Variants in MKKS observed in about 807,000 individuals in gnomAD.
The protein encoded by MKKS is molecular chaperone MKKS.
In MKKS, 29 loss-of-function variants were observed where a neutral mutation model predicts 33.2. The ratio of observed to expected loss-of-function variants is 0.87; its 90% CI spans 0.65 to 1.19. MKKS has a LOEUF of 1.19. MKKS is among the 50% of genes most tolerant of loss of function. The pLI, the probability that MKKS is intolerant of heterozygous loss-of-function variation, is 0.00. For missense variants in MKKS, 661 were observed against 662.3 expected, an observed-to-expected ratio of 1.00 and a Z score of 0.02; for synonymous variants, 260 against 244.0, an observed-to-expected ratio of 1.07 and a Z score of -0.61.
intron 5 of MKKS, 137 bp from the exon 6 acceptor site, chr20:10,405,824 G>T: frequency 1.1e-6 from 1 of 910,370 alleles, no homozygotes; most frequent in Non-Finnish European, 1.7e-6. Context: ...CTGGCACAAT[G>T]CTAACGGGCT....
chr20:10,430,331 T>C (rs183183601), intron 1 of MKKS, among the ~76,000 whole-genome samples: 1 of 152,344 alleles, frequency 6.6e-6, no homozygotes, highest in Admixed American at 6.5e-5. Context: ...AGTCACTTAA[T>C]CTCATTGTGC....
chr20:10,419,959 T>A (rs1249977289), intron 2 of MKKS, among the ~76,000 whole-genome samples: 1 of 152,230 alleles, frequency 6.6e-6, no homozygotes, highest in Non-Finnish European at 1.5e-5. Flanking sequence ...GCAAATTGCC[T>A]CATGTCAGTT....
Position 10,408,651 on chromosome 20 carries a change from C to A in MKKS, c.1138G>T (p.Asp380Tyr). 6.2e-7 allele frequency: 1 copy of A among 1,614,080 alleles called. No individual in the cohort carries two copies. The highest frequency in any genetic ancestry group is 8.5e-7 in the Non-Finnish European group (1 of 1,180,010). The change falls in exon 4 of 6, where the codon GAC becomes TAC. Residue 380 changes from aspartate to tyrosine, a missense_variant. Asp to Tyr is a radical substitution (Grantham distance 160). Transcript: ENST00000347364. ...ICSLLLCNRN[D>Y]TAWDELKLTC... is the part of the protein sequence containing the mutation. ...ACCTTCAGCTCATCCCAGGCAGTGT[C>A]ATTTCTGTTGCAGAGAAGCAAGCTG...
Position 10,413,306 on chromosome 20 carries a change from G to A in MKKS, c.209C>T (p.Thr70Ile), listed in dbSNP as rs1335381619. 1 of 1,614,238 alleles carries A rather than the reference G, an allele frequency of 6.2e-7. No individual in the cohort carries two copies. The highest frequency in any genetic ancestry group is 8.5e-7 in the Non-Finnish European group (1 of 1,180,044). Reference sequence around the variant, plus strand: ...TGTCAGGATCTTTAAAATGGGATGTGTGACCAAAAGGTGACTGAGCAGAGC... The same window carrying A: ...TGTCAGGATCTTTAAAATGGGATGTATGACCAAAAGGTGACTGAGCAGAGC... ...SSALLSHLLV[T>I]HPILKILTAS... Residue 70 changes from threonine (T) to isoleucine (I), a missense_variant, in exon 3 of 6, where the codon ACA becomes ATA. Transcript: ENST00000347364.
chr20:10,422,864 A>G (rs755080810), intron 1 of MKKS, among the ~76,000 whole-genome samples: 61 of 151,718 alleles, frequency 4.0e-4, no homozygotes, highest in Non-Finnish European at 4.3e-4. Context: ...GGTGCCCGCC[A>G]CCACACCTGG....
rs138562469 is a variant in MKKS, at chr20:10,430,262, T to C, written c.-649+3846A>G. 5.6e-3 allele frequency among the ~76,000 whole-genome samples: 859 copies of C among 152,300 alleles called. 27 individuals are homozygous for C. Among genetic ancestry groups the C allele is most frequent in the Non-Finnish European group, 2.2e-3 (148 of 68,026 alleles). On this transcript the variant is annotated intron_variant, in intron 1 of 5. Coordinates refer to ENST00000347364, the MANE Select transcript of MKKS (RefSeq NM_170784.3). ...GATTAAGGGATGAGCTGTGGACTCA[T>C]ACCACCTGGCTTTGAATCTTCACTT... is the stretch of plus-strand genomic sequence containing the variant.
Position 10,413,544 on chromosome 20 carries a change from G to A in MKKS, c.-30C>T, listed in dbSNP as rs777185517. 23 of 1,612,760 alleles carry A rather than the reference G, an allele frequency of 1.4e-5. No homozygotes were observed. The highest frequency in any genetic ancestry group is 2.2e-5 in the East Asian group (1 of 44,890). On this transcript the variant is annotated 5_prime_UTR_variant, in exon 3 of 6. In the 5' UTR this introduces an upstream ATG that the reference lacks. Coordinates refer to ENST00000347364, the MANE Select transcript of MKKS (RefSeq NM_170784.3). Reference sequence around the variant, plus strand: ...CTTCAGGTGGTAACTAGTGAAGACCGTTTTTATTTTGTAAACCACATTTTT... The same window carrying A: ...CTTCAGGTGGTAACTAGTGAAGACCATTTTTATTTTGTAAACCACATTTTT...
intron 2 of MKKS, among the ~76,000 whole-genome samples, chr20:10,419,925 C>T (rs993486632): frequency 6.6e-6 from 1 of 152,094 alleles, no homozygotes; most frequent in Non-Finnish European, 1.5e-5. Flanking sequence ...AGCCAAACTG[C>T]GGATAAAGGG....
chr20:10,404,459 G>A lies in MKKS; in HGVS notation c.*788C>T, dbSNP rs1398068156. On this transcript the variant is annotated 3_prime_UTR_variant, in exon 6 of 6. Transcript: ENST00000347364. ...GGCCAGGGATGCTGCTCAGTAAGCT[G>A]TAATGCACAGGGCAGCCTCCGTACA... The A allele has an allele frequency of 6.6e-6, 1 of 151,438 alleles. No individual in the cohort carries two copies. Among genetic ancestry groups the A allele is most frequent in the Non-Finnish European group, 1.5e-5 (1 of 67,922 alleles). The allele number at this position is 151,438 out of a possible 1,614,324, so 9.4% of individuals were successfully genotyped here.
chr20:10,412,474 C>T (rs930932371), intron 3 of MKKS, 56 bp downstream of exon 3: 1 of 1,575,502 alleles, frequency 6.3e-7, no homozygotes, highest in Non-Finnish European at 8.7e-7. Flanking sequence ...AATATCTCTG[C>T]TCAAAAAAGT....
intron 1 of MKKS, among the ~76,000 whole-genome samples, chr20:10,424,526 G>A (rs1192775216): frequency 6.6e-6 from 1 of 151,810 alleles, no homozygotes; most frequent in Non-Finnish European, 1.5e-5. Context: ...CTCTTCTCAG[G>A]GCAAGACACA....
At chr20:10,416,026 T>G (rs1370200118) in intron 2 of MKKS, among the ~76,000 whole-genome samples, 1 of 152,128 alleles carries the variant, frequency 6.6e-6, no homozygotes, top group Non-Finnish European at 1.5e-5. Flanking sequence ...TTATAGAACA[T>G]GTTTGGAAGT....
Position 10,405,524 on chromosome 20 carries a change from G to C in MKKS, c.1436C>G (p.Ser479Ter), listed in dbSNP as rs753180214. ...LTDMKYGHLW[S>*]VQADSPCVAN... ...AACACAGGGAGAATCTGCCTGAACT[G>C]ACCAAAGGTGTCCATACTTCATGTC... The change falls in exon 6 of 6, where the codon TCA becomes TGA. Residue 479 changes from serine (S) to a stop codon, truncating the protein, a stop_gained. Coordinates refer to ENST00000347364, the MANE Select transcript of MKKS (RefSeq NM_170784.3). LOFTEE classifies it high-confidence loss of function. The C allele has an allele frequency of 4.3e-6, 7 of 1,614,058 alleles. No homozygotes were observed. Among genetic ancestry groups the C allele is most frequent in the Admixed American group, 3.3e-5 (2 of 59,996 alleles).
rs140972423 is a variant in MKKS at position 10,425,647 on chromosome 20, T to C, written c.-648-4889A>G. On this transcript the variant is annotated intron_variant, in intron 1 of 5. Transcript: ENST00000347364. ...GTTCCAAGAGGCATGGACTGTCTTG[T>C]AGAGATTCTGAGTCTAAAACAAAGA... Among the ~76,000 whole-genome samples, 16 of 152,362 alleles carry C rather than the reference T, an allele frequency of 1.1e-4. No homozygotes were observed. The East Asian group carries it at 2.7e-3, about 26-fold the overall frequency.
At chr20:10,418,091 T>C (rs1050578474) in intron 2 of MKKS, among the ~76,000 whole-genome samples, 1 of 152,224 alleles carries the variant, frequency 6.6e-6, no homozygotes, top group African/African-American at 2.4e-5. Context: ...AGAGTCACTG[T>C]TAAGTTTTTC....
chr20:10,412,825 T>C lies in MKKS; in HGVS notation c.690A>G (p.Leu230=). The part of the protein sequence containing the change: ...IEMSEVQLMR[L]LPIKKSTALK... Reference sequence around the variant, plus strand: ...GGGCAGTTGATTTTTTGATAGGTAATAGCCTCATTAATTGAACTTCTGACA... The same window carrying C: ...GGGCAGTTGATTTTTTGATAGGTAACAGCCTCATTAATTGAACTTCTGACA... Residue 230 remains leucine, a synonymous_variant, in exon 3 of 6, where the codon CTA becomes CTG. Transcript: ENST00000347364. 1 of 1,614,178 alleles carries C rather than the reference T, an allele frequency of 6.2e-7. No individual in the cohort carries two copies. Among genetic ancestry groups the C allele is most frequent in the Non-Finnish European group, 8.5e-7 (1 of 1,180,034 alleles).
Position 10,407,653 on chromosome 20 carries a change from C to T in MKKS, c.1235G>A (p.Cys412Tyr). 3 of 1,614,012 alleles carry T rather than the reference C, an allele frequency of 1.9e-6. No homozygotes were observed. The highest frequency in any genetic ancestry group is 1.3e-5 in the African/African-American group (1 of 75,010). ...KEPWALLGGG[C>Y]TETHLAAYIR... Reference sequence around the variant, plus strand: ...ATATGCAGCCAAATGAGTTTCAGTACAGCCACCTCCCAACAAAGCCCATGG... The same window carrying T: ...ATATGCAGCCAAATGAGTTTCAGTATAGCCACCTCCCAACAAAGCCCATGG... The change falls in exon 5 of 6, where the codon TGT becomes TAT. Residue 412 changes from cysteine (C) to tyrosine (Y), a missense_variant. Transcript: ENST00000347364.
intron 1 of MKKS, among the ~76,000 whole-genome samples, chr20:10,429,658 T>C (rs1192711321): frequency 3.9e-5 from 6 of 152,194 alleles, no homozygotes; most frequent in Non-Finnish European, 8.8e-5. Flanking sequence ...TCTGCCCTTT[T>C]CCTCATGCTC....
intron 1 of MKKS, among the ~76,000 whole-genome samples, chr20:10,427,063 C>CAG (rs1555803055): frequency 6.9e-6 from 1 of 145,394 alleles, no homozygotes; most frequent in Admixed American, 6.8e-5. Flanking sequence ...CACACACACA[C>CAG]ACACACACAC....
Sources: allele counts gnomAD v4.1 joint callset (sites outside exome capture counted in the v4.1 genomes callset), GRCh38; gene constraint gnomAD v4.1.1; transcripts MANE v1.5; gene names NCBI Gene and HGNC (gene_info 2026-07-23, HGNC 2026-07-21).